Variants in KIF19 observed in about 807,000 individuals in gnomAD.
KIF19 encodes kinesin-like protein KIF19.
Under a neutral mutation model 106.6 loss-of-function variants are expected in KIF19, and 98 were observed. The observed-to-expected ratio is 0.92, with a 90% CI of 0.78 to 1.09. KIF19 has a LOEUF of 1.09. Among genes scored for constraint, KIF19 ranks in the 50% least tolerant of loss-of-function variants. The pLI is 0.00. For synonymous variants in KIF19, 516 were observed against 584.2 expected, an observed-to-expected ratio of 0.88 and a Z score of 1.68; for missense variants, 1,373 against 1,414.3, an observed-to-expected ratio of 0.97 and a Z score of 0.47.
Position 74,344,853 on chromosome 17 carries a change from G to A in KIF19, c.675G>A (p.Gln225=). The change falls in exon 7 of 20, where the codon CAG becomes CAA. Residue 225 remains glutamine, a synonymous_variant. Coordinates refer to ENST00000389916, the MANE Select transcript of KIF19 (RefSeq NM_153209.4). ...QTSSRSHAVL[Q]VTVRQRSRVK... The stretch of plus-strand genomic sequence containing the variant: ...CCTCCCGCTCCCACGCGGTACTGCA[G>A]GTGACCGTGCGCCAGCGCAGCCGGG... 6.2e-7 allele frequency: 1 copy of A among 1,612,874 alleles called. No homozygotes were observed. Among genetic ancestry groups the A allele is most frequent in the African/African-American group, 1.3e-5 (1 of 75,078 alleles).
chr17:74,332,204 G>T (rs1057313424), intron 2 of KIF19, among the ~76,000 whole-genome samples: 5 of 54,218 alleles, frequency 9.2e-5, no homozygotes, highest in African/African-American at 3.2e-4. Flanking sequence ...GTGTGTGTGT[G>T]TGTGTTTGTG....
chr17:74,338,276 A>G (rs1412009531), intron 2 of KIF19, among the ~76,000 whole-genome samples: 1 of 152,204 alleles, frequency 6.6e-6, no homozygotes, highest in Non-Finnish European at 1.5e-5. Context: ...ATACCGGGGA[A>G]CTCAGAGCCA....
Position 74,343,104 on chromosome 17 carries a change from G to A in KIF19, c.400G>A (p.Ala134Thr), listed in dbSNP as rs1173041298. ...TCAGACCCTCAACGACCTCTTCCGT[G>A]CCATCGAGGAGACCAGCAATGACAT... ...YVQTLNDLFR[A>T]IEETSNDMEY... Residue 134 changes from alanine (A) to threonine (T), a missense_variant, in exon 5 of 20, where the codon GCC (alanine) becomes ACC (threonine). By Grantham distance (58) the Ala-to-Thr change is moderately conservative. Transcript: ENST00000389916. 3.7e-6 allele frequency: 6 copies of A among 1,613,238 alleles called. No homozygotes were observed. The highest frequency in any genetic ancestry group is 5.1e-6 in the Non-Finnish European group (6 of 1,179,810).
Position 74,352,914 on chromosome 17 carries a change from C to T in KIF19, c.2074C>T (p.His692Tyr). 2 of 1,613,926 alleles carry T rather than the reference C, an allele frequency of 1.2e-6. No individual in the cohort carries two copies. Among genetic ancestry groups the T allele is most frequent in the Non-Finnish European group, 1.7e-6 (2 of 1,179,872 alleles). The change falls in exon 15 of 20, where the codon CAC becomes TAC. Residue 692 changes from histidine (H) to tyrosine (Y), a missense_variant. His to Tyr is a moderately conservative substitution (Grantham distance 83). Around this residue, in one of 3 missense-constraint regions of KIF19, gnomAD observed 1,020 missense variants for 1,008.2 expected, o/e 1.01. Coordinates refer to ENST00000389916, the MANE Select transcript of KIF19 (RefSeq NM_153209.4). Reference sequence around the variant, plus strand: ...GAAGACATTGAGCTCTGATGCCCAGCACCTGCAGAACAGCGCCCTCCCTCC... The same window carrying T: ...GAAGACATTGAGCTCTGATGCCCAGTACCTGCAGAACAGCGCCCTCCCTCC... ...SVKTLSSDAQHLQNSALPPLS... is the reference protein window; with the variant it reads ...SVKTLSSDAQYLQNSALPPLS...
At chr17:74,332,411 C>T (rs1022437623) in intron 2 of KIF19, among the ~76,000 whole-genome samples, 11 of 152,008 alleles carry the variant, frequency 7.2e-5, no homozygotes, top group Non-Finnish European at 1.3e-4. Flanking sequence ...GGGGCCTCAG[C>T]GTTCCAGGTG....
At position 74,354,170 on chromosome 17, in the gene KIF19, G is replaced by T; in HGVS notation, c.2317G>T (p.Glu773Ter). The T allele has an allele frequency of 6.2e-7, 1 of 1,606,872 alleles. No homozygotes were observed. The highest frequency in any genetic ancestry group is 8.5e-7 in the Non-Finnish European group (1 of 1,178,296). ...CCCGTGTCCCGCTGCAGAGAGGAAG[G>T]AGATCCTGACTGGCACCAAGTGCAT... is the stretch of plus-strand genomic sequence containing the variant. Reference protein sequence around the residue: ...EIPLSHKERKEILTGTKCIWV... With the variant: ...EIPLSHKERK The change falls in exon 18 of 20, where the codon GAG becomes TAG. Residue 773 changes from glutamate to a stop codon, truncating the protein, a stop_gained. Transcript: ENST00000389916. LOFTEE classifies it high-confidence loss of function.
Position 74,352,883 on chromosome 17 carries a change from G to C in KIF19, c.2043G>C (p.Glu681Asp), listed in dbSNP as rs779124570. 27 of 1,613,992 alleles carry C rather than the reference G, an allele frequency of 1.7e-5. No homozygotes were observed. The highest frequency in any genetic ancestry group is 2.3e-5 in the Non-Finnish European group (27 of 1,179,882). Residue 681 changes from glutamate to aspartate, a missense_variant, in exon 15 of 20, where the codon GAG becomes GAC. This residue lies in a region of KIF19 where 1,020 missense variants were observed against 1,008.2 expected (regional missense o/e 1.01). Transcript: ENST00000389916. Reference sequence around the variant, plus strand: ...CACTGACCCCAGATTCTGACCTGGAGAGTGTGAAGACATTGAGCTCTGATG... The same window carrying C: ...CACTGACCCCAGATTCTGACCTGGACAGTGTGAAGACATTGAGCTCTGATG... ...GTSLTPDSDL[E>D]SVKTLSSDAQ...
At chr17:74,349,808 T>C (rs2054644885) in intron 10 of KIF19, among the ~76,000 whole-genome samples, 1 of 152,152 alleles carries the variant, frequency 6.6e-6, no homozygotes, top group African/African-American at 2.4e-5. Flanking sequence ...AAGATTTTTT[T>C]TTTTTTTTGA....
chr17:74,340,555 G>GCGCGCACACACACA lies in KIF19; in HGVS notation c.121-1321_121-1320insCGCGCACACACACA. Among the ~76,000 whole-genome samples the GCGCGCACACACACA allele has an allele frequency of 6.2e-3, 923 of 148,300 alleles. 1 individual carries two copies. The highest frequency in any genetic ancestry group is 0.019 in the East Asian group (94 of 4,904). ...CACGTGCCAGCAGGTATGCGCGCGC[G>GCGCGCACACACACA]TACACACACACACACACACTGCTGC... On this transcript the variant is annotated intron_variant, in intron 2 of 19. Coordinates refer to ENST00000389916, the MANE Select transcript of KIF19 (RefSeq NM_153209.4).
In KIF19 at chr17:74,352,256, C is replaced by T; in HGVS notation, c.1896C>T (p.Leu632=). The change falls in exon 14 of 20, where the codon CTC becomes CTT. Residue 632 remains leucine (L), a synonymous_variant. Coordinates refer to ENST00000389916, the MANE Select transcript of KIF19 (RefSeq NM_153209.4). Reference sequence around the variant, plus strand: ...CCGTCCCGCAGCGCCTGGAAGAGCTCTACGAAGTGTACCTGCGGGAGCTGG... The same window carrying T: ...CCGTCCCGCAGCGCCTGGAAGAGCTTTACGAAGTGTACCTGCGGGAGCTGG... ...NLAVPQRLEE[L]YEVYLRELEE... 21 of 1,613,196 alleles carry T rather than the reference C, an allele frequency of 1.3e-5. No individual in the cohort carries two copies. Among genetic ancestry groups the T allele is most frequent in the Non-Finnish European group, 1.7e-5 (20 of 1,179,806 alleles).
chr17:74,350,662 C>A, intron 11 of KIF19, 45 bp from the exon 12 acceptor site: 1 of 1,611,326 alleles, frequency 6.2e-7, no homozygotes, highest in Non-Finnish European at 8.5e-7. Context: ...TGTGCCCTGC[C>A]CCCATGGCCT....
intron 6 of KIF19, 56 bp downstream of exon 6, chr17:74,344,404 G>T: frequency 1.9e-6 from 3 of 1,584,234 alleles, no homozygotes; most frequent in South Asian, 1.1e-5. Context: ...CGCCTGAGGG[G>T]CAGGAGGGGC....
intron 9 of KIF19, 87 bp from the exon 10 acceptor site, chr17:74,349,097 C>A: frequency 1.4e-6 from 2 of 1,387,304 alleles, no homozygotes; most frequent in Non-Finnish European, 2.0e-6. Flanking sequence ...CTGGGGGAGG[C>A]AGGGGGAAGA....
At position 74,326,311 on chromosome 17, in the gene KIF19, C is replaced by A. The variant is rs2053903739; in HGVS notation, c.-39C>A. The stretch of plus-strand genomic sequence containing the variant: ...GCGGTGGGGGTGCGGCTGAGCCATG[C>A]CCGGTGGCGCGGCCTGAGCCCCTCC... On this transcript the variant is annotated 5_prime_UTR_variant, in exon 1 of 20. Coordinates refer to ENST00000389916, the MANE Select transcript of KIF19 (RefSeq NM_153209.4). 2 of 1,595,068 alleles carry A rather than the reference C, an allele frequency of 1.3e-6. No individual in the cohort carries two copies. The highest frequency in any genetic ancestry group is 2.4e-5 in the East Asian group (1 of 42,548).
At chr17:74,336,766 C>T (rs72848302) in intron 2 of KIF19, among the ~76,000 whole-genome samples, 2,100 of 152,286 alleles carry the variant, frequency 0.014, 24 homozygotes, top group Middle Eastern at 0.031. Context: ...ATTTACTTAA[C>T]CCAACTGATT....
chr17:74,344,627 G>A, intron 6 of KIF19, 134 bp from the exon 7 acceptor site: 1 of 998,036 alleles, frequency 1.0e-6, no homozygotes, highest in Non-Finnish European at 1.5e-6. Flanking sequence ...AGCACACGGA[G>A]CCCAGCCCAC....
rs200234220 is a variant in KIF19 at position 74,346,369 on chromosome 17, GC to G, written c.778-4del. On this transcript the variant is annotated splice_region_variant and splice_polypyrimidine_tract_variant and intron_variant, in intron 7 of 19. Coordinates refer to ENST00000389916, the MANE Select transcript of KIF19 (RefSeq NM_153209.4). The surrounding 1 kb of genome is among the most constrained non-coding windows in gnomAD (Gnocchi z 4.6). ...CAGGCCACACGTGTGCCCTTTGCTC[GC>G]CCCCTAGACACAGAATCGTGGGCAG... is the stretch of plus-strand genomic sequence containing the variant. 3.2e-4 allele frequency: 505 copies of G among 1,567,958 alleles called. 6 individuals are homozygous for G. In the East Asian group the frequency reaches 8.7e-3, roughly 27 times the overall value.
Position 74,352,302 on chromosome 17 carries a change from G to T in KIF19, c.1942G>T (p.Ala648Ser). Residue 648 changes from alanine to serine, a missense_variant, in exon 14 of 20, where the codon GCC becomes TCC. Coordinates refer to ENST00000389916, the MANE Select transcript of KIF19 (RefSeq NM_153209.4). ...RELEEGSLEQ[A>S]TIMDQVASRA... ...GCTGGAGGAGGGCAGCCTGGAGCAG[G>T]CCACCATCATGGACCAAGTGGCCTC... 1.2e-6 allele frequency: 2 copies of T among 1,611,784 alleles called. No individual in the cohort carries two copies. The highest frequency in any genetic ancestry group is 1.7e-6 in the Non-Finnish European group (2 of 1,179,350).
rs1010654390 is a variant in KIF19 at position 74,355,222 on chromosome 17, A to C, written c.2907A>C (p.Pro969=). 6.2e-7 allele frequency: 1 copy of C among 1,612,460 alleles called. No individual in the cohort carries two copies. Among genetic ancestry groups the C allele is most frequent in the African/African-American group, 1.3e-5 (1 of 74,892 alleles). ...DSSPLAVPPN[P]GGGSRRATRG... is the part of the protein sequence containing the mutation. ...CACCCCTGGCTGTTCCCCCCAACCC[A>C]GGTGGTGGTTCTCGACGGGCTACCC... The change falls in exon 20 of 20, where the codon CCA becomes CCC. Residue 969 remains proline (P), a synonymous_variant. Coordinates refer to ENST00000389916, the MANE Select transcript of KIF19 (RefSeq NM_153209.4).
Sources: gnomAD v4.1 joint callset for allele counts (sites outside exome capture counted in the v4.1 genomes callset) on GRCh38, gnomAD v4.1.1 for gene constraint, gnomAD v4.1.1 regional missense constraint, Gnocchi (gnomAD v3.1) non-coding constraint, MANE v1.5 for transcripts, NCBI Gene and HGNC (gene_info 2026-07-23, HGNC 2026-07-21) for gene names.